NTRK2: variants seen among roughly 807,000 people sequenced by gnomAD.
NTRK2 encodes the protein BDNF/NT-3 growth factors receptor.
Under a neutral mutation model 94.5 loss-of-function variants are expected in NTRK2, and 13 were observed. That is an observed-to-expected ratio of 0.14 (90% CI 0.09 to 0.22). NTRK2 has a LOEUF of 0.22. Ranked by LOEUF, NTRK2 falls within the 10% of genes least tolerant of loss-of-function variation. The pLI is 1.00. For missense variants in NTRK2, 639 were observed against 1,071.2 expected (o/e 0.60, Z 5.63); for synonymous variants, 372 against 407.4 (o/e 0.91, Z 1.05).
chr9:84,904,714 C>T (rs909972446), intron 14 of NTRK2, among the ~76,000 whole-genome samples: 1 of 152,072 alleles, frequency 6.6e-6, no homozygotes, highest in Non-Finnish European at 1.5e-5. Context: ...TCACATTACC[C>T]CTATAGTAAC....
At chr9:84,897,357 G>A (rs920425658) in intron 14 of NTRK2, among the ~76,000 whole-genome samples, 10 of 152,198 alleles carry the variant, frequency 6.6e-5, no homozygotes, top group African/African-American at 1.9e-4. Context: ...GGATGGTCTC[G>A]ATCTCCTGAA....
At chr9:85,004,573 T>A (rs932111959) in intron 17 of NTRK2, among the ~76,000 whole-genome samples, 1 of 152,114 alleles carries the variant, frequency 6.6e-6, no homozygotes, top group African/African-American at 2.4e-5. Context: ...CGAAGTGCGA[T>A]TGTAGAGGAT....
At position 84,792,057 on chromosome 9, in the gene NTRK2, G is replaced by A. The variant is rs75906465; in HGVS notation, c.1396+39972G>A. On this transcript the variant is annotated intron_variant, in intron 12 of 18. Transcript: ENST00000277120. ...ATGGAATGTGAAAGAAAATCTGACTGTTCTTTCATTGAGTGTTGCTGAATT... is the reference window on the plus strand; with the variant it reads ...ATGGAATGTGAAAGAAAATCTGACTATTCTTTCATTGAGTGTTGCTGAATT... Among the ~76,000 whole-genome samples, 1,060 of 152,290 alleles carry A rather than the reference G, an allele frequency of 7.0e-3. 16 individuals carry two copies. Among genetic ancestry groups the A allele is most frequent in the African/African-American group, 0.024 (998 of 41,552 alleles).
chr9:84,812,009 A>T, intron 12 of NTRK2: 2 of 1,059,762 alleles, frequency 1.9e-6, no homozygotes, highest in Non-Finnish European at 1.1e-6. Flanking sequence ...ACAGTTAGAC[A>T]TGCACACAGA....
intron 12 of NTRK2, among the ~76,000 whole-genome samples, chr9:84,820,049 AC>A (rs1470267619): frequency 1.3e-5 from 2 of 151,576 alleles, no homozygotes; most frequent in African/African-American, 4.9e-5. Flanking sequence ...ATTATAGTTG[AC>A]CCTTTAACAA....
chr9:84,943,263 G>A (rs892362775), intron 15 of NTRK2, among the ~76,000 whole-genome samples: 4 of 152,174 alleles, frequency 2.6e-5, no homozygotes, highest in Non-Finnish European at 4.4e-5. Flanking sequence ...TCACACCAAT[G>A]ATTTCAAATA....
intron 12 of NTRK2, among the ~76,000 whole-genome samples, chr9:84,761,670 T>A (rs2065578817): frequency 6.6e-6 from 1 of 152,236 alleles, no homozygotes; most frequent in African/African-American, 2.4e-5. Flanking sequence ...AGCCACAGTC[T>A]CTTTACTGTT....
chr9:84,799,083 T>C (rs1347637118), intron 12 of NTRK2, among the ~76,000 whole-genome samples: 1 of 152,022 alleles, frequency 6.6e-6, no homozygotes, highest in Non-Finnish European at 1.5e-5. Context: ...CAACCACTCT[T>C]CTTTCTGCCT....
intron 9 of NTRK2, among the ~76,000 whole-genome samples, chr9:84,732,004 T>C (rs1419245): frequency 0.046 from 7,029 of 152,248 alleles, 217 homozygotes; most frequent in South Asian, 0.11. Flanking sequence ...AGAAAAGACC[T>C]TCCCAGACTC....
chr9:84,985,673 T>C (rs1484686017), intron 17 of NTRK2, among the ~76,000 whole-genome samples: 1 of 152,260 alleles, frequency 6.6e-6, no homozygotes, highest in Non-Finnish European at 1.5e-5. Flanking sequence ...TAATTTGAGA[T>C]AAAGTTCAAG....
chr9:84,821,626 C>G (rs957681085), intron 12 of NTRK2, among the ~76,000 whole-genome samples: 2 of 152,292 alleles, frequency 1.3e-5, no homozygotes, highest in East Asian at 3.9e-4. Flanking sequence ...GGATTTCAAA[C>G]TTGGCAAAAT....
intron 17 of NTRK2, among the ~76,000 whole-genome samples, chr9:84,969,767 A>G (rs1825973471): frequency 6.6e-6 from 1 of 152,220 alleles, no homozygotes; most frequent in Non-Finnish European, 1.5e-5. Flanking sequence ...AAGTTCATGA[A>G]AATGAGATGC....
intron 14 of NTRK2, among the ~76,000 whole-genome samples, chr9:84,899,970 A>G (rs776653233): frequency 6.6e-6 from 1 of 152,176 alleles, no homozygotes; most frequent in Non-Finnish European, 1.5e-5. Flanking sequence ...GAAAATACGA[A>G]GGGATGCAAC....
intron 14 of NTRK2, among the ~76,000 whole-genome samples, chr9:84,918,777 A>G (rs969041238): frequency 1.3e-5 from 2 of 152,174 alleles, no homozygotes; most frequent in African/African-American, 4.8e-5. Flanking sequence ...GGCTGTTAGA[A>G]TTTATAGCTT....
intron 12 of NTRK2, among the ~76,000 whole-genome samples, chr9:84,786,595 G>A (rs1016094562): frequency 6.6e-6 from 1 of 151,698 alleles, no homozygotes; most frequent in Non-Finnish European, 1.5e-5. Flanking sequence ...AATTATTTTA[G>A]CCTAATAATA....
chr9:84,986,372 A>C (rs1301563303), intron 17 of NTRK2, among the ~76,000 whole-genome samples: 1 of 152,196 alleles, frequency 6.6e-6, no homozygotes, highest in Non-Finnish European at 1.5e-5. Context: ...ATCATTAGCT[A>C]GATTCTCATA....
intron 2 of NTRK2, among the ~76,000 whole-genome samples, chr9:84,686,472 G>A (rs2131474763): frequency 6.6e-6 from 1 of 152,312 alleles, no homozygotes; most frequent in South Asian, 2.1e-4. Flanking sequence ...AGCTAATAAT[G>A]GATATCCTTG....
intron 2 of NTRK2, among the ~76,000 whole-genome samples, chr9:84,690,860 T>C (rs567493204): frequency 2.0e-5 from 3 of 152,320 alleles, no homozygotes; most frequent in African/African-American, 7.2e-5. Context: ...ACAACTAGTA[T>C]AGAGTAATTC....
rs1226518652 is a variant in NTRK2, at chr9:84,917,415, C to T, written c.1634-16747C>T. Among the ~76,000 whole-genome samples, 7 of 152,086 alleles carry T rather than the reference C, an allele frequency of 4.6e-5. No homozygotes were observed. The East Asian group carries it at 1.2e-3, about 25-fold the overall frequency. On this transcript the variant is annotated intron_variant, in intron 14 of 18. Coordinates refer to ENST00000277120, the MANE Select transcript of NTRK2 (RefSeq NM_006180.6). ...CGTGTGCAGTGGAAGGAGCACTGGG[C>T]CGGGCAGCTTCTTGGTTGCAATGAC...
Sources: allele counts gnomAD v4.1 joint callset (sites outside exome capture counted in the v4.1 genomes callset), GRCh38; gene constraint gnomAD v4.1.1; transcripts MANE v1.5; gene names NCBI Gene and HGNC (gene_info 2026-07-23, HGNC 2026-07-21).